FHOD3: variants seen among roughly 807,000 people sequenced by gnomAD.
FHOD3 encodes the protein formin homology 2 domain containing 3.
Under a neutral mutation model 173.0 loss-of-function variants are expected in FHOD3, and 90 were observed. That is an observed-to-expected ratio of 0.52 (90% CI 0.44 to 0.62). The LOEUF (loss-of-function observed/expected upper bound fraction) is 0.62, where lower values mean the gene tolerates loss of function less well. Ranked by LOEUF, FHOD3 falls within the 20% of genes least tolerant of loss-of-function variation. The pLI is 0.00. For missense variants in FHOD3, 1,945 were observed against 2,034.7 expected (o/e 0.96, Z 0.85); for synonymous variants, 828 against 823.0 (o/e 1.01, Z -0.10).
chr18:36,718,754 G>C, intron 19 of FHOD3, 39 bp downstream of exon 19: 1 of 1,589,462 alleles, frequency 6.3e-7, no homozygotes, highest in Non-Finnish European at 8.6e-7. Context: ...ATTGGAAGTT[G>C]GGTAGGGCTG....
At chr18:36,763,642 G>A (rs3926965) in intron 27 of FHOD3, among the ~76,000 whole-genome samples, 2 of 119,544 alleles carry the variant, frequency 1.7e-5, no homozygotes, top group East Asian at 3.9e-4. Context: ...TATAATATAT[G>A]TGTATTATAC....
chr18:36,465,524 G>A (rs112381636), intron 3 of FHOD3, among the ~76,000 whole-genome samples: 1,968 of 152,188 alleles, frequency 0.013, 37 homozygotes, highest in African/African-American at 0.045. Flanking sequence ...CTGCCCACCC[G>A]CCCTTGTGGA....
intron 14 of FHOD3, among the ~76,000 whole-genome samples, chr18:36,664,283 C>T (rs2037004553): frequency 6.6e-6 from 1 of 152,114 alleles, no homozygotes; most frequent in Non-Finnish European, 1.5e-5. Flanking sequence ...TCCACAAATG[C>T]CAGTAGGAAA....
At chr18:36,461,187 C>T (rs2137728) in intron 3 of FHOD3, among the ~76,000 whole-genome samples, 1 of 152,054 alleles carries the variant, frequency 6.6e-6, no homozygotes, top group Non-Finnish European at 1.5e-5. Context: ...GCTCACTCCT[C>T]TTCCATTGCT....
chr18:36,367,109 A>G (rs760198333), intron 2 of FHOD3, among the ~76,000 whole-genome samples: 21 of 152,184 alleles, frequency 1.4e-4, no homozygotes, highest in Non-Finnish European at 2.6e-4. Flanking sequence ...GTTTCTGTGA[A>G]CCTTAGTTGG....
intron 5 of FHOD3, among the ~76,000 whole-genome samples, chr18:36,550,243 C>CATATATATATATAT (rs371573246): frequency 0.049 from 5,817 of 119,772 alleles, 198 homozygotes; most frequent in Non-Finnish European, 0.055. Context: ...AGTGGTAGAC[C>CATATATATATATAT]ATATATATAT....
chr18:36,561,450 C>T (rs56969548), intron 5 of FHOD3, among the ~76,000 whole-genome samples: 14 of 152,270 alleles, frequency 9.2e-5, no homozygotes, highest in African/African-American at 2.4e-4. Context: ...TTAGAGCACA[C>T]GTCCAAGTCA....
At chr18:36,359,225 T>C (rs2046497979) in intron 2 of FHOD3, among the ~76,000 whole-genome samples, 1 of 152,236 alleles carries the variant, frequency 6.6e-6, no homozygotes, top group African/African-American at 2.4e-5. Context: ...TTTCATACCA[T>C]GTGTTCTGAG....
chr18:36,693,162 A>C, intron 16 of FHOD3, 47 bp from the exon 17 acceptor site: 1 of 1,555,068 alleles, frequency 6.4e-7, no homozygotes, highest in Non-Finnish European at 8.8e-7. Flanking sequence ...CATCAGCCAC[A>C]GGCTCCTCTT....
At chr18:36,314,756 C>T (rs2044038067) in intron 1 of FHOD3, among the ~76,000 whole-genome samples, 1 of 152,272 alleles carries the variant, frequency 6.6e-6, no homozygotes, top group African/African-American at 2.4e-5. Flanking sequence ...AATGAAAAAC[C>T]AGAGTCTATC....
intron 11 of FHOD3, 131 bp downstream of exon 11, chr18:36,649,536 T>TCACAGAGC (rs1321855127): frequency 1.7e-6 from 1 of 578,830 alleles, no homozygotes; most frequent in Non-Finnish European, 2.9e-6. Context: ...CTTACCCTGT[T>TCACAGAGC]CACAGAGCCA....
At chr18:36,446,582 G>A (rs1485854454) in intron 3 of FHOD3, among the ~76,000 whole-genome samples, 4 of 152,124 alleles carry the variant, frequency 2.6e-5, no homozygotes, top group African/African-American at 9.7e-5. Context: ...GGGTCTGCAA[G>A]TAAGTAGAGA....
At chr18:36,444,225 T>A (rs959026384) in intron 3 of FHOD3, among the ~76,000 whole-genome samples, 5 of 152,040 alleles carry the variant, frequency 3.3e-5, no homozygotes, top group Admixed American at 6.5e-5. Context: ...ATTGTAAATT[T>A]TTTTCAAATC....
At chr18:36,366,582 A>G (rs1021170048) in intron 2 of FHOD3, among the ~76,000 whole-genome samples, 1 of 152,178 alleles carries the variant, frequency 6.6e-6, no homozygotes, top group African/African-American at 2.4e-5. Flanking sequence ...TTCAGAGTCG[A>G]TGTTTTTCTA....
chr18:36,629,269 C>T (rs868850188), intron 10 of FHOD3, among the ~76,000 whole-genome samples: 18 of 152,312 alleles, frequency 1.2e-4, no homozygotes, highest in African/African-American at 3.4e-4. Context: ...CTTTGTAGCA[C>T]GTCAACAGCC....
intron 5 of FHOD3, among the ~76,000 whole-genome samples, chr18:36,539,169 C>T (rs2057109438): frequency 6.6e-6 from 1 of 152,198 alleles, no homozygotes; most frequent in South Asian, 2.1e-4. Context: ...TTGTTATGTT[C>T]AACGAAGTGA....
intron 3 of FHOD3, among the ~76,000 whole-genome samples, chr18:36,462,611 G>C (rs1284220503): frequency 6.6e-6 from 1 of 152,060 alleles, no homozygotes; most frequent in Non-Finnish European, 1.5e-5. Flanking sequence ...ATTACAGGCT[G>C]TTTGTTTGTT....
intron 19 of FHOD3, among the ~76,000 whole-genome samples, chr18:36,724,455 C>T (rs1162155320): frequency 6.6e-6 from 1 of 152,228 alleles, no homozygotes; most frequent in Admixed American, 6.5e-5. Flanking sequence ...GAAGCTTTGG[C>T]AGTTGACAGT....
chr18:36,375,416 C>T (rs1195600055), intron 3 of FHOD3, among the ~76,000 whole-genome samples: 2 of 152,188 alleles, frequency 1.3e-5, no homozygotes, highest in Non-Finnish European at 2.9e-5. Context: ...TTCCTTCCAC[C>T]CACGATTGGA....
Sources: allele counts gnomAD v4.1 joint callset (sites outside exome capture counted in the v4.1 genomes callset), GRCh38; gene constraint gnomAD v4.1.1; transcripts MANE v1.5; gene names NCBI Gene and HGNC (gene_info 2026-07-23, HGNC 2026-07-21).